SYNPO2: variants seen among roughly 807,000 people sequenced by gnomAD.
SYNPO2 encodes synaptopodin-2.
SYNPO2 carries 56 observed loss-of-function variants against 85.0 expected under a neutral mutation model. The observed-to-expected ratio is 0.66, with a 90% CI of 0.53 to 0.82. The LOEUF (loss-of-function observed/expected upper bound fraction) is 0.82. Among genes scored for constraint, SYNPO2 ranks in the 40% least tolerant of loss-of-function variants. SYNPO2 has a pLI of 0.00. For synonymous variants in SYNPO2, 602 were observed against 591.1 expected (o/e 1.02, Z -0.27); for missense variants, 1,575 against 1,534.2 (o/e 1.03, Z -0.44).
At chr4:118,857,568 A>C (rs374911960) in intron 1 of SYNPO2, among the ~76,000 whole-genome samples, 1 of 151,944 alleles carries the variant, frequency 6.6e-6, no homozygotes, top group African/African-American at 2.4e-5. Flanking sequence ...CTGAAACAAG[A>C]CAGAATTTTT....
At chr4:118,934,839 G>T (rs1047318641) in intron 1 of SYNPO2, among the ~76,000 whole-genome samples, 3 of 152,250 alleles carry the variant, frequency 2.0e-5, no homozygotes, top group East Asian at 3.9e-4. Flanking sequence ...TTTGATTTTT[G>T]AACTGTTCAG....
chr4:119,051,351 G>A (rs906010275), intron 4 of SYNPO2, among the ~76,000 whole-genome samples: 1 of 149,572 alleles, frequency 6.7e-6, no homozygotes, highest in Non-Finnish European at 1.5e-5. Flanking sequence ...CACTACGCCC[G>A]GCTAATTTTT....
chr4:118,906,229 G>T (rs1380522872), intron 1 of SYNPO2, among the ~76,000 whole-genome samples: 1 of 152,040 alleles, frequency 6.6e-6, no homozygotes, highest in Non-Finnish European at 1.5e-5. Context: ...AAAAAAATAA[G>T]CAACTTATAT....
intron 1 of SYNPO2, among the ~76,000 whole-genome samples, chr4:118,969,536 A>G (rs1039678797): frequency 1.3e-5 from 2 of 152,148 alleles, no homozygotes; most frequent in Non-Finnish European, 2.9e-5. Context: ...GAGAAGGCCA[A>G]CTTTTCATTT....
rs1204895069 is a variant in SYNPO2 at position 119,053,585 on chromosome 4, C to T, written c.3253-3816C>T. ...AGGTTTTAATTTCCCTTCAGAAAGC[C>T]CTGGCTTACTCTTTCAATACCATAC... is the stretch of plus-strand genomic sequence containing the variant. On this transcript the variant is annotated intron_variant, in intron 4 of 4. Transcript: ENST00000307142. Among the ~76,000 whole-genome samples the T allele has an allele frequency of 2.0e-5, 3 of 152,090 alleles. No individual in the cohort carries two copies. The East Asian group carries it at 5.8e-4, about 29-fold the overall frequency.
chr4:118,881,130 G>A (rs1732082918), intron 1 of SYNPO2, among the ~76,000 whole-genome samples: 1 of 151,976 alleles, frequency 6.6e-6, no homozygotes, highest in East Asian at 1.9e-4. Flanking sequence ...GTGAAACCTC[G>A]TCTCTACTAA....
intron 1 of SYNPO2, among the ~76,000 whole-genome samples, chr4:118,943,757 AG>A (rs1734402810): frequency 1.3e-5 from 2 of 152,230 alleles, no homozygotes; most frequent in Non-Finnish European, 2.9e-5. Context: ...AATTGAGGAC[AG>A]GCTATAAATT....
At chr4:118,856,323 A>G (rs1731505038) in intron 1 of SYNPO2, among the ~76,000 whole-genome samples, 1 of 152,166 alleles carries the variant, frequency 6.6e-6, no homozygotes, top group South Asian at 2.1e-4. Flanking sequence ...GTAACCCAAT[A>G]TCTTCTTGTT....
At chr4:118,884,228 G>A (rs942523818), upstream of SYNPO2, among the ~76,000 whole-genome samples, 14 of 152,198 alleles carry the variant, frequency 9.2e-5, no homozygotes, top group Non-Finnish European at 1.8e-4. Context: ...GCATCAGGAC[G>A]TTGCATTCTG....
Position 118,917,864 on chromosome 4 carries a change from A to G in SYNPO2, c.105+28723A>G, listed in dbSNP as rs569913444. Among the ~76,000 whole-genome samples the G allele has an allele frequency of 4.6e-5, 7 of 152,348 alleles. No individual in the cohort carries two copies. In the East Asian group the frequency reaches 1.3e-3, roughly 29 times the overall value. ...TTTGTGATAGAAATACTTTGGTATAATGTAAGGAGAATAACATGATTGCAA... is the reference window on the plus strand; with the variant it reads ...TTTGTGATAGAAATACTTTGGTATAGTGTAAGGAGAATAACATGATTGCAA... On this transcript the variant is annotated intron_variant, in intron 1 of 4. Transcript: ENST00000307142.
intron 1 of SYNPO2, among the ~76,000 whole-genome samples, chr4:118,997,096 A>C (rs28496471): frequency 0.057 from 8,590 of 149,878 alleles, 630 homozygotes; most frequent in African/African-American, 0.18. Context: ...AAAAATTAGC[A>C]GGGCGTAGTG....
intron 1 of SYNPO2, among the ~76,000 whole-genome samples, chr4:118,992,143 A>T (rs1251831716): frequency 6.6e-6 from 1 of 152,204 alleles, no homozygotes; most frequent in African/African-American, 2.4e-5. Flanking sequence ...TGCTTGTATG[A>T]TAAGTGAAGA....
intron 4 of SYNPO2, among the ~76,000 whole-genome samples, chr4:119,049,772 T>C (rs550612382): frequency 1.1e-4 from 16 of 152,332 alleles, no homozygotes; most frequent in Admixed American, 5.9e-4. Flanking sequence ...AGATGGTTTA[T>C]GTTAAGCTGA....
chr4:118,927,382 A>C (rs1733744563), intron 1 of SYNPO2, among the ~76,000 whole-genome samples: 1 of 152,148 alleles, frequency 6.6e-6, no homozygotes, highest in Non-Finnish European at 1.5e-5. Flanking sequence ...AAAGGGCCCT[A>C]AAGATGACCT....
intron 1 of SYNPO2, among the ~76,000 whole-genome samples, chr4:118,962,512 C>A (rs1735138717): frequency 1.3e-5 from 2 of 151,956 alleles, no homozygotes; most frequent in Admixed American, 6.6e-5. Flanking sequence ...AAACATTAAC[C>A]CTGCTAGGAC....
At chr4:118,881,460 C>T (rs1427129276) in intron 1 of SYNPO2, among the ~76,000 whole-genome samples, 1 of 152,134 alleles carries the variant, frequency 6.6e-6, no homozygotes, top group East Asian at 1.9e-4. Context: ...TTCCAGACCC[C>T]CAAATGTGAA....
intron 1 of SYNPO2, among the ~76,000 whole-genome samples, chr4:118,892,286 T>C (rs551471798): frequency 6.6e-6 from 1 of 152,200 alleles, no homozygotes; most frequent in Non-Finnish European, 1.5e-5. Flanking sequence ...AAAGCCCAAG[T>C]AATCAGTAAC....
chr4:118,982,533 C>A (rs1736069267), intron 1 of SYNPO2, among the ~76,000 whole-genome samples: 1 of 152,136 alleles, frequency 6.6e-6, no homozygotes, highest in African/African-American at 2.4e-5. Context: ...GGATGGTATG[C>A]CCCTCTGTAC....
intron 1 of SYNPO2, among the ~76,000 whole-genome samples, chr4:119,004,143 T>C (rs1052473815): frequency 6.6e-6 from 1 of 152,182 alleles, no homozygotes; most frequent in Admixed American, 6.5e-5. Context: ...GCAGAGCAAA[T>C]TGTATTGTTT....
Sources: allele counts gnomAD v4.1 joint callset (sites outside exome capture counted in the v4.1 genomes callset), GRCh38; gene constraint gnomAD v4.1.1; transcripts MANE v1.5; gene names NCBI Gene and HGNC (gene_info 2026-07-23, HGNC 2026-07-21).